CPQ: variants seen among roughly 807,000 people sequenced by gnomAD.
CPQ encodes the protein carboxypeptidase Q.
CPQ carries 37 observed loss-of-function variants against 45.7 expected under a neutral mutation model. That is an observed-to-expected ratio of 0.81 (90% confidence interval 0.62 to 1.07). The LOEUF is 1.07. Among genes scored for constraint, CPQ ranks in the 50% least tolerant of loss-of-function variants. The probability of loss-of-function intolerance (pLI) is 0.00; values close to 1 mark genes in which losing one functional copy is unlikely to be tolerated. For synonymous variants in CPQ, 186 were observed against 205.8 expected (o/e 0.90, Z 0.82); for missense variants, 537 against 572.9 (o/e 0.94, Z 0.64).
chr8:96,808,948 T>C (rs1811123264), intron 2 of CPQ, among the ~76,000 whole-genome samples: 1 of 152,216 alleles, frequency 6.6e-6, no homozygotes, highest in South Asian at 2.1e-4. Flanking sequence ...CAACTAGGAC[T>C]GTTTTACAGG....
chr8:97,059,715 A>G (rs1312586701), intron 6 of CPQ, among the ~76,000 whole-genome samples: 1 of 152,160 alleles, frequency 6.6e-6, no homozygotes, highest in African/African-American at 2.4e-5. Context: ...GAACTGCAAA[A>G]CAGGATTGCA....
chr8:96,741,082 C>T (rs1273907211), intron 1 of CPQ, among the ~76,000 whole-genome samples: 2 of 152,168 alleles, frequency 1.3e-5, no homozygotes, highest in Admixed American at 1.3e-4. Flanking sequence ...TGGTAGAATT[C>T]GGCTGTGAAT....
intron 4 of CPQ, among the ~76,000 whole-genome samples, chr8:96,925,204 A>G (rs778105968): frequency 6.6e-6 from 1 of 152,176 alleles, no homozygotes; most frequent in Non-Finnish European, 1.5e-5. Context: ...ATCCAAATCT[A>G]TCATTTAAGG....
chr8:96,686,804 C>G (rs1203145329), intron 1 of CPQ, among the ~76,000 whole-genome samples: 1 of 152,028 alleles, frequency 6.6e-6, no homozygotes. Context: ...GCTAGTGAAA[C>G]CAACTATGTG....
At chr8:96,704,241 T>C (rs1184860860) in intron 1 of CPQ, among the ~76,000 whole-genome samples, 1 of 152,200 alleles carries the variant, frequency 6.6e-6, no homozygotes, top group Non-Finnish European at 1.5e-5. Context: ...GAAATTATCT[T>C]GCCTTTTTGC....
Position 96,821,940 on chromosome 8 carries a change from T to C in CPQ, c.434-13033T>C, listed in dbSNP as rs1811312976. Among the ~76,000 whole-genome samples the C allele has an allele frequency of 2.6e-5, 4 of 151,996 alleles. No individual in the cohort carries two copies. The South Asian group carries it at 8.3e-4, about 31-fold the overall frequency. On this transcript the variant is annotated intron_variant, in intron 2 of 7. Transcript: ENST00000220763. Reference sequence around the variant, plus strand: ...TGATAACACTTAGAATCTATCCTCTTAGCAATTTTCAAGTATACAATCTAT... The same window carrying C: ...TGATAACACTTAGAATCTATCCTCTCAGCAATTTTCAAGTATACAATCTAT...
chr8:96,675,030 C>A (rs936855408), intron 1 of CPQ, among the ~76,000 whole-genome samples: 1 of 151,996 alleles, frequency 6.6e-6, no homozygotes, highest in African/African-American at 2.4e-5. Flanking sequence ...GCAGAATAGA[C>A]ACTAAGTGCA....
In CPQ at chr8:96,771,691, C is replaced by G. The variant is rs530184791; in HGVS notation, c.-34-13173C>G. Among the ~76,000 whole-genome samples the G allele has an allele frequency of 4.4e-4, 67 of 152,240 alleles. No homozygotes were observed. The South Asian group carries it at 0.013, about 31-fold the overall frequency. ...CTCAAGACAGTACCTATTTACAAAG[C>G]ATGTAAGATGTATTCAGCACTGTTC... On this transcript the variant is annotated intron_variant, in intron 1 of 7. Coordinates refer to ENST00000220763, the MANE Select transcript of CPQ (RefSeq NM_016134.4).
chr8:96,704,884 G>A (rs1034263376), intron 1 of CPQ, among the ~76,000 whole-genome samples: 3 of 152,146 alleles, frequency 2.0e-5, no homozygotes, highest in African/African-American at 7.2e-5. Flanking sequence ...GAGGTATTAA[G>A]TAGACAATTG....
At chr8:96,908,777 A>ACACACACACACACCCC (rs147900019) in intron 4 of CPQ, among the ~76,000 whole-genome samples, 1 of 150,164 alleles carries the variant, frequency 6.7e-6, no homozygotes, top group Non-Finnish European at 1.5e-5. Flanking sequence ...ACACACACAC[A>ACACACACACACACCCC]CCATATATTC....
Position 96,660,455 on chromosome 8 carries a change from G to A in CPQ, c.-35+15053G>A, listed in dbSNP as rs1372112883. On this transcript the variant is annotated intron_variant, in intron 1 of 7. Transcript: ENST00000220763. ...AAGCCCTGGGGGTTAGGGCTTTAAC[G>A]TATGAATTTTGGGGAACACAATTTA... Among the ~76,000 whole-genome samples the A allele has an allele frequency of 5.9e-5, 9 of 152,202 alleles. 1 individual carries two copies. Among genetic ancestry groups the A allele is most frequent in the East Asian group, 3.9e-4 (2 of 5,180 alleles).
chr8:97,098,887 T>C (rs1196172818), intron 7 of CPQ, among the ~76,000 whole-genome samples: 1 of 152,132 alleles, frequency 6.6e-6, no homozygotes, highest in Admixed American at 6.5e-5. Flanking sequence ...GTTGTATGTG[T>C]GTGTGTTCAC....
intron 2 of CPQ, among the ~76,000 whole-genome samples, chr8:96,821,126 A>ATTTTTTTTTTTTTTTTTTTTTTTTTTTTT (rs572906188): frequency 3.3e-5 from 2 of 60,940 alleles, no homozygotes; most frequent in Non-Finnish European, 5.9e-5. Flanking sequence ...TTTAATCTGA[A>ATTTTTTTTTTTTTTTTTTTTTTTTTTTTT]TTTTTTTTTT....
chr8:96,737,160 C>T (rs1267813356), intron 1 of CPQ, among the ~76,000 whole-genome samples: 1 of 149,646 alleles, frequency 6.7e-6, no homozygotes, highest in African/African-American at 2.5e-5. Flanking sequence ...CCTATTTGCT[C>T]TTTTCTTAAC....
chr8:96,798,368 G>A (rs1810963642), intron 2 of CPQ, among the ~76,000 whole-genome samples: 2 of 152,008 alleles, frequency 1.3e-5, no homozygotes, highest in South Asian at 4.2e-4. Flanking sequence ...CGAACTCCCA[G>A]CTCAAGTGAT....
intron 1 of CPQ, among the ~76,000 whole-genome samples, chr8:96,703,680 C>A (rs1425662384): frequency 1.3e-5 from 2 of 152,118 alleles, no homozygotes; most frequent in Non-Finnish European, 2.9e-5. Flanking sequence ...TTCCCTCAAT[C>A]CTACCTAATA....
At chr8:96,840,102 G>T (rs1811587289) in intron 3 of CPQ, among the ~76,000 whole-genome samples, 1 of 152,098 alleles carries the variant, frequency 6.6e-6, no homozygotes. Flanking sequence ...GATTGGGGTT[G>T]GTTGCACTGA....
At chr8:96,928,610 T>A (rs1702591905) in intron 4 of CPQ, among the ~76,000 whole-genome samples, 1 of 152,156 alleles carries the variant, frequency 6.6e-6, no homozygotes, top group Admixed American at 6.6e-5. Context: ...TTTACCTCTG[T>A]ACTCAACAGT....
At chr8:96,694,254 A>G (rs1199635411) in intron 1 of CPQ, among the ~76,000 whole-genome samples, 2 of 152,156 alleles carry the variant, frequency 1.3e-5, no homozygotes, top group African/African-American at 2.4e-5. Context: ...AATGGCAGGC[A>G]TAAGACCTTA....
Sources: allele counts gnomAD v4.1 joint callset (sites outside exome capture counted in the v4.1 genomes callset), GRCh38; gene constraint gnomAD v4.1.1; transcripts MANE v1.5; gene names NCBI Gene and HGNC (gene_info 2026-07-23, HGNC 2026-07-21).